Variants in GRHL2 observed in about 807,000 individuals in gnomAD.
The protein encoded by GRHL2 is grainyhead-like protein 2 homolog.
In GRHL2, 21 loss-of-function variants were observed where a neutral mutation model predicts 83.8. The observed-to-expected ratio is 0.25, with a 90% CI of 0.18 to 0.36. The LOEUF (loss-of-function observed/expected upper bound fraction) is 0.36. Among genes scored for constraint, GRHL2 ranks in the 10% least tolerant of loss-of-function variants. The pLI is 1.00. For synonymous variants in GRHL2, 280 were observed against 278.9 expected (o/e 1.00, Z -0.04); for missense variants, 623 against 781.8 (o/e 0.80, Z 2.42).
intron 8 of GRHL2, among the ~76,000 whole-genome samples, chr8:101,607,476 A>G (rs1473934254): frequency 6.6e-6 from 1 of 152,180 alleles, no homozygotes; most frequent in Non-Finnish European, 1.5e-5. Flanking sequence ...TGCTTACAAG[A>G]CAGTCTAGGA....
At chr8:101,563,374 T>C (rs912181370) in intron 4 of GRHL2, among the ~76,000 whole-genome samples, 10 of 152,150 alleles carry the variant, frequency 6.6e-5, no homozygotes, top group Non-Finnish European at 1.2e-4. Flanking sequence ...TTTTTAATCT[T>C]TCAGGTGAGC....
chr8:101,524,075 T>G (rs545803294), intron 1 of GRHL2, among the ~76,000 whole-genome samples: 2 of 152,228 alleles, frequency 1.3e-5, no homozygotes, highest in Non-Finnish European at 2.9e-5. Context: ...GTTTCTGCAC[T>G]GAAAAATCAC....
At position 101,644,172 on chromosome 8, in the gene GRHL2, A is replaced by T; in HGVS notation, c.1559A>T (p.Glu520Val). The T allele has an allele frequency of 6.2e-7, 1 of 1,614,156 alleles. No individual in the cohort carries two copies. Among genetic ancestry groups the T allele is most frequent in the Non-Finnish European group, 8.5e-7 (1 of 1,179,992 alleles). The change falls in exon 13 of 16, where the codon GAG (glutamate) becomes GTG (valine). Residue 520 changes from glutamate (E) to valine (V), a missense_variant. Physicochemically the swap from Glu to Val is moderately radical, Grantham distance 121 (BLOSUM62 -2). Coordinates refer to ENST00000646743, the MANE Select transcript of GRHL2 (RefSeq NM_024915.4). ...AAACGGATGTTCCGGCCCATGGAAG[A>T]GGAGTTTGGTCCAGTGCCTTCAAAG... ...LVKRMFRPME[E>V]EFGPVPSKQM...
intron 7 of GRHL2, among the ~76,000 whole-genome samples, chr8:101,592,100 CTTTT>C (rs11382067): frequency 1.1e-5 from 1 of 90,302 alleles, no homozygotes; most frequent in African/African-American, 4.6e-5. Context: ...TCTTTCTTTT[CTTTT>C]TTTTTTTTTT....
At chr8:101,607,259 T>C (rs11787052) in intron 8 of GRHL2, among the ~76,000 whole-genome samples, 77,971 of 151,818 alleles carry the variant, frequency 0.51, 21,869 homozygotes, top group African/African-American at 0.74. Context: ...CCTAAATGGA[T>C]GGCGTTCTTA....
rs1326292897 is a variant in GRHL2, at chr8:101,608,735, T to TCTCACA, written c.1098+9585_1098+9586insTCACAC. On this transcript the variant is annotated intron_variant, in intron 8 of 15. Coordinates refer to ENST00000646743, the MANE Select transcript of GRHL2 (RefSeq NM_024915.4). ...ATTTGCTTTGTCTCTGCTCACTCTC[T>TCTCACA]CACACACACACACACACACACACAC... is the stretch of plus-strand genomic sequence containing the variant. 7.6e-5 allele frequency among the ~76,000 whole-genome samples: 11 copies of TCTCACA among 144,776 alleles called. No individual in the cohort carries two copies. The East Asian group carries it at 1.6e-3, about 21-fold the overall frequency. The allele number at this position is 144,776 out of a possible 152,430, so 95.0% of individuals were successfully genotyped here.
chr8:101,636,066 A>G (rs1813278572), intron 11 of GRHL2, among the ~76,000 whole-genome samples: 1 of 152,214 alleles, frequency 6.6e-6, no homozygotes, highest in Non-Finnish European at 1.5e-5. Flanking sequence ...CTTCACTCAA[A>G]GGCAACAGTC....
At chr8:101,676,667 T>C in the GRHL2 span, among the ~76,000 whole-genome samples, 1 of 152,278 alleles carries the variant, frequency 6.6e-6, no homozygotes, top group East Asian at 1.9e-4. Flanking sequence ...TCCTCAGGGA[T>C]CTAGAACTAG....
At chr8:101,677,373 G>T in the GRHL2 span, among the ~76,000 whole-genome samples, 1 of 151,870 alleles carries the variant, frequency 6.6e-6, no homozygotes, top group East Asian at 1.9e-4. Context: ...CAAGGCATTG[G>T]CTGTGAGCTT....
chr8:101,591,187 G>T (rs1161410203), intron 7 of GRHL2, among the ~76,000 whole-genome samples: 1 of 152,112 alleles, frequency 6.6e-6, no homozygotes, highest in Non-Finnish European at 1.5e-5. Context: ...AATAGAATTG[G>T]ATCCTATAAT....
chr8:101,567,734 T>A (rs1330728783), intron 4 of GRHL2, among the ~76,000 whole-genome samples: 2 of 152,226 alleles, frequency 1.3e-5, no homozygotes, highest in Non-Finnish European at 2.9e-5. Flanking sequence ...CAGAATGTAG[T>A]TGAGTCTTTC....
chr8:101,604,945 T>G (rs1184158573), intron 8 of GRHL2, among the ~76,000 whole-genome samples: 1 of 152,214 alleles, frequency 6.6e-6, no homozygotes, highest in Non-Finnish European at 1.5e-5. Flanking sequence ...CTGATTACTT[T>G]CCTGAGTGAT....
chr8:101,519,796 T>C (rs1204773674), intron 1 of GRHL2, among the ~76,000 whole-genome samples: 1 of 152,160 alleles, frequency 6.6e-6, no homozygotes, highest in Non-Finnish European at 1.5e-5. Flanking sequence ...CATATACAGA[T>C]AAAAGGCTTT....
chr8:101,583,513 G>A (rs1256557651), intron 7 of GRHL2, among the ~76,000 whole-genome samples: 1 of 152,192 alleles, frequency 6.6e-6, no homozygotes, highest in African/African-American at 2.4e-5. Context: ...AGTGTTGAGG[G>A]AGTGGAGGTT....
chr8:101,662,554 A>G (rs1419772759), intron 14 of GRHL2, among the ~76,000 whole-genome samples: 1 of 152,138 alleles, frequency 6.6e-6, no homozygotes, highest in African/African-American at 2.4e-5. Flanking sequence ...CCAATAATCC[A>G]CATTTCAAAC....
At chr8:101,551,997 A>G (rs567400007) in intron 2 of GRHL2, among the ~76,000 whole-genome samples, 42 of 151,898 alleles carry the variant, frequency 2.8e-4, no homozygotes, top group South Asian at 2.3e-3. Context: ...CACCACGCCC[A>G]GCTAATTTTT....
In GRHL2 at chr8:101,669,238, A is replaced by G; in HGVS notation, c.*2535A>G. On this transcript the variant is annotated 3_prime_UTR_variant, in exon 16 of 16. Transcript: ENST00000646743. ...ATCCATGGAAGATCATGGACATGTG[A>G]AATGAGCATTTTTTTCTTTTTTTTT... The G allele has an allele frequency of 2.1e-5, 1 of 48,608 alleles. No individual in the cohort carries two copies. The highest frequency in any genetic ancestry group is 5.9e-4 in the East Asian group (1 of 1,704). 3.0% of individuals were successfully genotyped at this position (48,608 alleles called of 1,614,324 possible).
At chr8:101,575,616 A>T (rs1811918494) in intron 6 of GRHL2, among the ~76,000 whole-genome samples, 1 of 152,234 alleles carries the variant, frequency 6.6e-6, no homozygotes, top group African/African-American at 2.4e-5. Flanking sequence ...GGGCGTGGTA[A>T]CAACAGTTTC....
chr8:101,531,502 A>G (rs987264106), intron 1 of GRHL2, among the ~76,000 whole-genome samples: 2 of 152,184 alleles, frequency 1.3e-5, no homozygotes, highest in Non-Finnish European at 2.9e-5. Context: ...CAAAAAGTAG[A>G]AAGGAGAAAA....
Sources: allele counts gnomAD v4.1 joint callset (sites outside exome capture counted in the v4.1 genomes callset), GRCh38; gene constraint gnomAD v4.1.1; transcripts MANE v1.5; gene names NCBI Gene and HGNC (gene_info 2026-07-23, HGNC 2026-07-21).